CCSER1: variants seen among roughly 807,000 people sequenced by gnomAD.
The protein encoded by CCSER1 is coiled-coil serine rich protein 1.
A neutral mutation model predicts 82.0 loss-of-function variants in CCSER1; 41 were observed. The observed-to-expected ratio is 0.50, with a 90% confidence interval of 0.39 to 0.65. The LOEUF is 0.65. Among genes scored for constraint, CCSER1 ranks in the 30% least tolerant of loss-of-function variants. CCSER1 has a pLI of 0.00. For missense variants in CCSER1, 1,119 were observed against 1,064.2 expected, an observed-to-expected ratio of 1.05 and a Z score of -0.72; for synonymous variants, 414 against 383.9, an observed-to-expected ratio of 1.08 and a Z score of -0.92.
rs141232575 is a variant in CCSER1 at position 90,911,587 on chromosome 4, C to T, written c.2095-11783C>T. Among the ~76,000 whole-genome samples, 379 of 152,278 alleles carry T rather than the reference C, an allele frequency of 2.5e-3. 3 individuals carry two copies. Among genetic ancestry groups the T allele is most frequent in the African/African-American group, 8.8e-3 (367 of 41,546 alleles). On this transcript the variant is annotated intron_variant, in intron 8 of 10. Coordinates refer to ENST00000509176, the MANE Select transcript of CCSER1 (RefSeq NM_001145065.2). ...AGATGGTTAATTTCTGCATTTCCAA[C>T]TGAGGTACCGGGTTCATCTCACTGG...
At chr4:91,295,190 A>C (rs1352248775) in intron 10 of CCSER1, among the ~76,000 whole-genome samples, 2 of 152,002 alleles carry the variant, frequency 1.3e-5, no homozygotes, top group Non-Finnish European at 2.9e-5. Flanking sequence ...TATATGACCA[A>C]TACTACCTTT....
intron 10 of CCSER1, among the ~76,000 whole-genome samples, chr4:91,463,131 A>T (rs1200443692): frequency 6.6e-6 from 1 of 152,150 alleles, no homozygotes; most frequent in African/African-American, 2.4e-5. Context: ...CTGACTCCCC[A>T]CATGGCCAAG....
chr4:90,306,994 T>C (rs541928004), intron 1 of CCSER1, among the ~76,000 whole-genome samples: 14 of 152,320 alleles, frequency 9.2e-5, no homozygotes, highest in East Asian at 7.7e-4. Flanking sequence ...CTAATTACTT[T>C]AGTGAATGCA....
intron 1 of CCSER1, among the ~76,000 whole-genome samples, chr4:90,175,762 T>C (rs1732546861): frequency 1.3e-5 from 2 of 152,042 alleles, no homozygotes; most frequent in South Asian, 2.1e-4. Flanking sequence ...AGGTCAGTTA[T>C]CTGTCAAGAA....
chr4:90,574,817 A>G (rs547051279), intron 5 of CCSER1, among the ~76,000 whole-genome samples: 7 of 152,230 alleles, frequency 4.6e-5, no homozygotes, highest in Admixed American at 1.3e-4. Context: ...CGACAGCTAC[A>G]TAAATAAAAC....
chr4:91,335,937 AT>A (rs991210868), intron 10 of CCSER1, among the ~76,000 whole-genome samples: 12 of 152,106 alleles, frequency 7.9e-5, no homozygotes, highest in Non-Finnish European at 4.4e-5. Flanking sequence ...TCACAAAACC[AT>A]TTTTGGCCAT....
intron 3 of CCSER1, among the ~76,000 whole-genome samples, chr4:90,321,171 C>G (rs1450747435): frequency 1.3e-5 from 2 of 152,086 alleles, no homozygotes; most frequent in Non-Finnish European, 2.9e-5. Flanking sequence ...ATTCATTCTA[C>G]ATAACTATAT....
rs145016571 is a variant in CCSER1, at chr4:91,370,757, G to A, written c.2218-227815G>A. Among the ~76,000 whole-genome samples, 278 of 152,176 alleles carry A rather than the reference G, an allele frequency of 1.8e-3. 1 individual carries two copies. The highest frequency in any genetic ancestry group is 6.4e-3 in the African/African-American group (266 of 41,518). ...GGTACATAGTGTTTATATTTATGCG[G>A]CACATGAGATATTTTGACAGAGACA... On this transcript the variant is annotated intron_variant, in intron 10 of 10. Coordinates refer to ENST00000509176, the MANE Select transcript of CCSER1 (RefSeq NM_001145065.2).
At chr4:91,322,721 C>CT (rs1160825535) in intron 10 of CCSER1, among the ~76,000 whole-genome samples, 1 of 152,068 alleles carries the variant, frequency 6.6e-6, no homozygotes, top group African/African-American at 2.4e-5. Flanking sequence ...CAGTGCATGA[C>CT]TTTGCTTCAG....
chr4:90,494,195 A>C (rs1303174438), intron 5 of CCSER1, among the ~76,000 whole-genome samples: 1 of 152,240 alleles, frequency 6.6e-6, no homozygotes, highest in Non-Finnish European at 1.5e-5. Flanking sequence ...TAAAGGGATC[A>C]ATTCCACAAG....
At chr4:91,029,646 G>A (rs1268069884) in intron 9 of CCSER1, among the ~76,000 whole-genome samples, 1 of 152,024 alleles carries the variant, frequency 6.6e-6, no homozygotes, top group African/African-American at 2.4e-5. Flanking sequence ...GTCAGAGTTA[G>A]AACATCCCAG....
intron 10 of CCSER1, among the ~76,000 whole-genome samples, chr4:91,483,523 C>T (rs922050779): frequency 1.3e-5 from 2 of 151,910 alleles, no homozygotes; most frequent in Non-Finnish European, 2.9e-5. Flanking sequence ...GCAGCCTCTG[C>T]CTCCTGAGTT....
chr4:90,931,791 C>G (rs1677991930), intron 9 of CCSER1, among the ~76,000 whole-genome samples: 1 of 152,112 alleles, frequency 6.6e-6, no homozygotes, highest in South Asian at 2.1e-4. Flanking sequence ...TGGTCTTTGT[C>G]CATCAAAATG....
chr4:90,967,732 T>C (rs4586897), intron 9 of CCSER1, among the ~76,000 whole-genome samples: 9 of 151,736 alleles, frequency 5.9e-5, no homozygotes, highest in African/African-American at 1.5e-4. Flanking sequence ...GTTCTTCGAG[T>C]TGATGCCAGC....
intron 1 of CCSER1, among the ~76,000 whole-genome samples, chr4:90,307,243 C>T (rs148350466): frequency 9.2e-5 from 14 of 152,138 alleles, no homozygotes; most frequent in African/African-American, 3.4e-4. Context: ...CCTCCTTTAT[C>T]TTCTCCATTG....
intron 10 of CCSER1, among the ~76,000 whole-genome samples, chr4:91,183,541 G>A (rs1734242123): frequency 2.0e-5 from 3 of 152,028 alleles, no homozygotes; most frequent in Admixed American, 2.0e-4. Context: ...TTCGTGAGAG[G>A]GACAATAATT....
chr4:91,012,712 TAA>T (rs1581333621), intron 9 of CCSER1, among the ~76,000 whole-genome samples: 1 of 88,860 alleles, frequency 1.1e-5, no homozygotes, highest in Admixed American at 1.1e-4. Flanking sequence ...AACTCTAAGA[TAA>T]TGTAGAATAG....
intron 8 of CCSER1, among the ~76,000 whole-genome samples, chr4:90,839,638 T>C (rs1042313506): frequency 6.6e-6 from 1 of 152,140 alleles, no homozygotes; most frequent in Non-Finnish European, 1.5e-5. Context: ...CATCTACAGA[T>C]CAAATTACCC....
chr4:91,301,343 A>G (rs182934464), intron 10 of CCSER1, among the ~76,000 whole-genome samples: 1 of 151,862 alleles, frequency 6.6e-6, no homozygotes, highest in Admixed American at 6.6e-5. Flanking sequence ...CTTTAAAACA[A>G]TTGCAATATT....
Sources: gnomAD v4.1 joint callset for allele counts (sites outside exome capture counted in the v4.1 genomes callset) on GRCh38, gnomAD v4.1.1 for gene constraint, MANE v1.5 for transcripts, NCBI Gene and HGNC (gene_info 2026-07-23, HGNC 2026-07-21) for gene names.